The following C6 variants were observed in gnomAD, a reference collection of about 807,000 sequenced individuals.
C6 encodes the protein complement C6.
In C6, 101 loss-of-function variants were observed where a neutral mutation model predicts 112.9. That is an observed-to-expected ratio of 0.89 (90% CI 0.76 to 1.06). The LOEUF is 1.06. C6 is among the 50% of genes least tolerant of loss of function. C6 has a pLI of 0.00. For missense variants in C6, 1,202 were observed against 1,104.6 expected (o/e 1.09, Z -1.25); for synonymous variants, 431 against 384.1 (o/e 1.12, Z -1.43).
intron 1 of C6, among the ~76,000 whole-genome samples, chr5:41,225,194 T>C (rs1397486922): frequency 6.6e-6 from 1 of 152,164 alleles, no homozygotes; most frequent in Non-Finnish European, 1.5e-5. Flanking sequence ...TAGATATATC[T>C]CCTAATGCTA....
chr5:41,220,822 C>T (rs1480484670), intron 1 of C6, among the ~76,000 whole-genome samples: 1 of 151,846 alleles, frequency 6.6e-6, no homozygotes, highest in Non-Finnish European at 1.5e-5. Context: ...GATCATAATA[C>T]TCAATGGGTA....
chr5:41,227,460 G>A (rs10057091), intron 1 of C6, among the ~76,000 whole-genome samples: 25,658 of 151,934 alleles, frequency 0.17, 2,246 homozygotes, highest in Admixed American at 0.25. Flanking sequence ...ATAGTTGGAT[G>A]TAATCTCATT....
At chr5:41,247,525 G>A (rs1283042250) in intron 1 of C6, among the ~76,000 whole-genome samples, 1 of 152,050 alleles carries the variant, frequency 6.6e-6, no homozygotes, top group East Asian at 1.9e-4. Context: ...AGGCCATCCT[G>A]GCTGACATGG....
intron 1 of C6, among the ~76,000 whole-genome samples, chr5:41,257,267 T>G (rs781076318): frequency 2.0e-5 from 3 of 152,132 alleles, no homozygotes; most frequent in Non-Finnish European, 2.9e-5. Flanking sequence ...AATCAAAACA[T>G]GTAGTATTTG....
At chr5:41,153,649 T>C (rs1470420874) in intron 15 of C6, among the ~76,000 whole-genome samples, 161 bp downstream of exon 15, 3 of 152,228 alleles carry the variant, frequency 2.0e-5, no homozygotes, top group Non-Finnish European at 4.4e-5. Flanking sequence ...GCTTAGGGAA[T>C]TAGCAGAGCT....
rs1338873054 is a variant in C6, at chr5:41,199,753, A to T, written c.445+15T>A. On this transcript the variant is annotated intron_variant, in intron 4 of 17. Transcript: ENST00000337836. ...ATTTTTAGTGGGGACTGAACATTTC[A>T]CAAAAATACATTACCACTGTCACAG... 2 of 1,613,138 alleles carry T rather than the reference A, an allele frequency of 1.2e-6. No individual in the cohort carries two copies. The highest frequency in any genetic ancestry group is 1.7e-4 in the Middle Eastern group (1 of 5,974).
intron 11 of C6, 160 bp from the exon 12 acceptor site, chr5:41,159,413 G>A (rs371045156): frequency 2.0e-6 from 2 of 978,794 alleles, no homozygotes; most frequent in Admixed American, 6.2e-5. Context: ...TGTGCAAGGG[G>A]CCTGACACAT....
chr5:41,219,589 C>T (rs1451588414), intron 1 of C6, among the ~76,000 whole-genome samples: 1 of 152,040 alleles, frequency 6.6e-6, no homozygotes, highest in Non-Finnish European at 1.5e-5. Context: ...GTGATATAAT[C>T]CTCTGGGCAC....
intron 1 of C6, among the ~76,000 whole-genome samples, chr5:41,250,255 G>A (rs1325689764): frequency 6.6e-6 from 1 of 152,186 alleles, no homozygotes; most frequent in Non-Finnish European, 1.5e-5. Flanking sequence ...TTACCCAATA[G>A]TGGCACCAAA....
intron 5 of C6, among the ~76,000 whole-genome samples, chr5:41,193,671 G>T (rs1382700822): frequency 6.6e-6 from 1 of 151,816 alleles, no homozygotes; most frequent in Non-Finnish European, 1.5e-5. Flanking sequence ...TGCTATTATT[G>T]CCTGATTCTT....
intron 1 of C6, among the ~76,000 whole-genome samples, chr5:41,234,017 AT>A (rs1740074235): frequency 1.3e-5 from 2 of 152,230 alleles, no homozygotes; most frequent in East Asian, 3.9e-4. Context: ...CCTTCAAAGT[AT>A]TGCTATATAT....
chr5:41,162,399 A>C (rs1747603005), intron 9 of C6, among the ~76,000 whole-genome samples: 1 of 152,196 alleles, frequency 6.6e-6, no homozygotes, highest in African/African-American at 2.4e-5. Flanking sequence ...AAAATGGTGG[A>C]ATGATTTTAT....
chr5:41,159,145 C>T lies in C6; in HGVS notation c.1793G>A (p.Gly598Glu), dbSNP rs758842975. ...TCGCTTCTCCCCCTCACAGCGTTTC[C>T]CTCCTCGTTGGGGGGCAGGATTATT... is the stretch of plus-strand genomic sequence containing the variant. ...ECNNPAPQRG[G>E]KRCEGEKRQE... Residue 598 changes from glycine to glutamate, a missense_variant, in exon 12 of 18, where the codon GGG becomes GAG. Gly to Glu is a moderately conservative substitution (Grantham distance 98). Coordinates refer to ENST00000337836, the MANE Select transcript of C6 (RefSeq NM_000065.5). 4.1e-5 allele frequency: 66 copies of T among 1,613,572 alleles called. No homozygotes were observed. The highest frequency in any genetic ancestry group is 5.2e-5 in the Non-Finnish European group (61 of 1,179,770).
chr5:41,233,958 CCA>C (rs1263368898), intron 1 of C6, among the ~76,000 whole-genome samples: 1 of 151,878 alleles, frequency 6.6e-6, no homozygotes, highest in Non-Finnish European at 1.5e-5. Flanking sequence ...TAAATGATTT[CCA>C]CAAATATTTC....
chr5:41,225,033 C>G (rs184145227), intron 1 of C6, among the ~76,000 whole-genome samples: 1 of 152,172 alleles, frequency 6.6e-6, no homozygotes, highest in African/African-American at 2.4e-5. Flanking sequence ...ATTTGTATGT[C>G]TTCCTTTGAG....
intron 1 of C6, among the ~76,000 whole-genome samples, chr5:41,239,194 C>G (rs1740539660): frequency 1.3e-5 from 2 of 150,734 alleles, no homozygotes; most frequent in South Asian, 4.2e-4. Flanking sequence ...TTCACTGCAC[C>G]TCCACCTCCC....
rs116260984 is a variant in C6, at chr5:41,233,564, G to A, written c.-21+27630C>T. 4.6e-3 allele frequency among the ~76,000 whole-genome samples: 700 copies of A among 152,174 alleles called. 3 individuals are homozygous for A. The highest frequency in any genetic ancestry group is 0.016 in the African/African-American group (657 of 41,554). On this transcript the variant is annotated intron_variant, in intron 1 of 17. Coordinates refer to the C6 transcript ENST00000263413. Reference sequence around the variant, plus strand: ...CAAAATAAAGCTAAAACGAGATGCAGCTATTCTCATTACAGCAAAGTAGGC... The same window carrying A: ...CAAAATAAAGCTAAAACGAGATGCAACTATTCTCATTACAGCAAAGTAGGC...
At chr5:41,167,054 G>A (rs1486271855) in intron 9 of C6, among the ~76,000 whole-genome samples, 1 of 151,772 alleles carries the variant, frequency 6.6e-6, no homozygotes, top group Non-Finnish European at 1.5e-5. Context: ...ATTTTTTTAT[G>A]TGTTTTTATA....
chr5:41,247,782 T>G (rs1242841941), intron 1 of C6, among the ~76,000 whole-genome samples: 1 of 150,534 alleles, frequency 6.6e-6, no homozygotes, highest in Non-Finnish European at 1.5e-5. Flanking sequence ...AAGGAAAACT[T>G]GTACAAGTGA....
Sources: allele counts gnomAD v4.1 joint callset (sites outside exome capture counted in the v4.1 genomes callset), GRCh38; gene constraint gnomAD v4.1.1; transcripts MANE v1.5; gene names NCBI Gene and HGNC (gene_info 2026-07-23, HGNC 2026-07-21).